Variants in NSUN6 observed in about 807,000 individuals in gnomAD.
NSUN6 encodes the protein tRNA (cytosine(72)-C(5))-methyltransferase NSUN6.
In NSUN6, 64 loss-of-function variants were observed where a neutral mutation model predicts 58.0. That is an observed-to-expected ratio of 1.10 (90% CI 0.90 to 1.36). The LOEUF is 1.36. NSUN6 is among the 40% of genes most tolerant of loss of function. The pLI is 0.00. For synonymous variants in NSUN6, 231 were observed against 193.9 expected (o/e 1.19, Z -1.59); for missense variants, 701 against 550.1 (o/e 1.27, Z -2.74).
chr10:18,646,967 A>G (rs1472129953), intron 2 of NSUN6, among the ~76,000 whole-genome samples: 1 of 152,206 alleles, frequency 6.6e-6, no homozygotes, highest in African/African-American at 2.4e-5. Context: ...GCAACTACTT[A>G]TGTTTTATAC....
intron 6 of NSUN6, 116 bp downstream of exon 6, chr10:18,609,728 CA>C (rs1376659057): frequency 2.4e-5 from 13 of 552,238 alleles, no homozygotes; most frequent in Admixed American, 9.6e-5. Flanking sequence ...AAAGGTAGAT[CA>C]GTGTATGTAA....
chr10:18,642,591 A>G (rs781581920), intron 2 of NSUN6, 36 bp from the exon 3 acceptor site: 2 of 942,176 alleles, frequency 2.1e-6, no homozygotes, highest in Admixed American at 1.9e-5. Context: ...AGTAATCCAT[A>G]CATTTGATAC....
At chr10:18,632,802 T>C (rs1036850078) in intron 3 of NSUN6, among the ~76,000 whole-genome samples, 14 of 152,342 alleles carry the variant, frequency 9.2e-5, no homozygotes, top group African/African-American at 3.1e-4. Flanking sequence ...TTTTACACTG[T>C]TGGTGGGACT....
At chr10:18,613,490 GAAC>G (rs781717010) in intron 5 of NSUN6, among the ~76,000 whole-genome samples, 32 of 152,042 alleles carry the variant, frequency 2.1e-4, no homozygotes, top group Non-Finnish European at 4.4e-4. Flanking sequence ...ACGATAACTG[GAAC>G]AACATCAAAT....
chr10:18,658,603 G>A (rs2059803886), upstream of NSUN6: 8 of 910,782 alleles, frequency 8.8e-6, no homozygotes, highest in South Asian at 3.5e-4. Context: ...AAAATGGAGA[G>A]GGGTGCTATG....
intron 3 of NSUN6, among the ~76,000 whole-genome samples, chr10:18,627,016 T>A (rs2058835847): frequency 6.6e-6 from 1 of 152,198 alleles, no homozygotes; most frequent in Admixed American, 6.5e-5. Context: ...GTTCTACTGA[T>A]CCAAATGTAG....
chr10:18,602,235 G>C (rs1462854823), intron 6 of NSUN6, among the ~76,000 whole-genome samples: 1 of 148,176 alleles, frequency 6.7e-6, no homozygotes, highest in Non-Finnish European at 1.5e-5. Flanking sequence ...GCTAATTTTT[G>C]TGGGGTTTTT....
rs560344874 is a variant in NSUN6 at position 18,577,245 on chromosome 10, A to C, written c.922+8704T>G. ...ATTCATAATTAAAACTCAATGTTGT[A>C]CCTTCATCCCAAACACCACCGCCCC... On this transcript the variant is annotated intron_variant, in intron 8 of 10. Transcript: ENST00000377304. Among the ~76,000 whole-genome samples, 15 of 152,280 alleles carry C rather than the reference A, an allele frequency of 9.9e-5. No homozygotes were observed. The East Asian group carries it at 2.9e-3, about 29-fold the overall frequency.
chr10:18,621,762 T>C (rs986270926), intron 3 of NSUN6, among the ~76,000 whole-genome samples: 31 of 152,174 alleles, frequency 2.0e-4, no homozygotes, highest in African/African-American at 7.2e-4. Context: ...AAACAGATTA[T>C]GGGAATGTCC....
At position 18,616,259 on chromosome 10, in the gene NSUN6, C is replaced by T. The variant is rs1237689140; in HGVS notation, c.346G>A (p.Val116Ile). 9 of 1,611,038 alleles carry T rather than the reference C, an allele frequency of 5.6e-6. No homozygotes were observed. Among genetic ancestry groups the T allele is most frequent in the Non-Finnish European group, 7.6e-6 (9 of 1,177,258 alleles). ...NIKKQQCEAIVGAQCGNAVLR... is the reference protein window; with the variant it reads ...NIKKQQCEAIIGAQCGNAVLR... Reference sequence around the variant, plus strand: ...ACTGCATTGCCACACTGGGCTCCAACAATGGCTTCACACTGTTGTTTTTTA... The same window carrying T: ...ACTGCATTGCCACACTGGGCTCCAATAATGGCTTCACACTGTTGTTTTTTA... The change falls in exon 4 of 11, where the codon GTT becomes ATT. Residue 116 changes from valine to isoleucine, a missense_variant. Physicochemically the swap from Val to Ile is conservative, Grantham distance 29 (BLOSUM62 3). Transcript: ENST00000377304.
At chr10:18,637,722 T>A (rs2059264444) in intron 3 of NSUN6, among the ~76,000 whole-genome samples, 1 of 152,216 alleles carries the variant, frequency 6.6e-6, no homozygotes, top group Non-Finnish European at 1.5e-5. Context: ...ACTAAATGTC[T>A]ATCAATGGAG....
intron 5 of NSUN6, among the ~76,000 whole-genome samples, chr10:18,612,285 T>C (rs1261580885): frequency 3.3e-5 from 5 of 152,058 alleles, no homozygotes; most frequent in African/African-American, 1.2e-4. Context: ...CAGCTGATCA[T>C]GGTGTCATGT....
At chr10:18,576,767 C>G (rs2056669687) in intron 8 of NSUN6, among the ~76,000 whole-genome samples, 1 of 152,162 alleles carries the variant, frequency 6.6e-6, no homozygotes, top group Admixed American at 6.6e-5. Flanking sequence ...TTGTTCGTCC[C>G]CGAGCAGATT....
chr10:18,614,860 T>C (rs748278340), intron 4 of NSUN6, among the ~76,000 whole-genome samples: 5 of 152,110 alleles, frequency 3.3e-5, no homozygotes, highest in Admixed American at 6.6e-5. Flanking sequence ...CAAAACATCC[T>C]ACCCTCAACT....
At chr10:18,546,366 A>T (rs895408343) in intron 10 of NSUN6, among the ~76,000 whole-genome samples, 2 of 152,224 alleles carry the variant, frequency 1.3e-5, no homozygotes, top group African/African-American at 4.8e-5. Context: ...AATACCTATT[A>T]TTACATGCTT....
chr10:18,657,982 GA>G (rs35623248), upstream of NSUN6, among the ~76,000 whole-genome samples: 107,540 of 141,118 alleles, frequency 0.76, 40,087 homozygotes, highest in East Asian at 0.97. Context: ...CCGAAAGCCA[GA>G]AAAAAAAAAA....
At position 18,616,308 on chromosome 10, in the gene NSUN6, C is replaced by T; in HGVS notation, c.312-15G>A. The T allele has an allele frequency of 6.6e-7, 1 of 1,513,372 alleles. No individual in the cohort carries two copies. The highest frequency in any genetic ancestry group is 2.3e-5 in the East Asian group (1 of 44,414). The allele number at this position is 1,513,372 out of a possible 1,614,324, so 93.7% of individuals were successfully genotyped here. A position where few individuals can be genotyped will look rare whatever the true frequency, so the allele number is the denominator to read the frequency against. ...TAATATTCTTTCTAGAAATGTAAGACACAAGAAGTTTAATAGTAACATACC... is the reference window on the plus strand; with the variant it reads ...TAATATTCTTTCTAGAAATGTAAGATACAAGAAGTTTAATAGTAACATACC... On this transcript the variant is annotated splice_polypyrimidine_tract_variant and intron_variant, in intron 3 of 10. Coordinates refer to ENST00000377304, the MANE Select transcript of NSUN6 (RefSeq NM_182543.5).
At chr10:18,613,047 G>C (rs1285880852) in intron 5 of NSUN6, among the ~76,000 whole-genome samples, 1 of 152,118 alleles carries the variant, frequency 6.6e-6, no homozygotes, top group Non-Finnish European at 1.5e-5. Context: ...TCTTCCACCG[G>C]AAGAGACAAA....
chr10:18,590,538 G>A (rs575065467), intron 7 of NSUN6, among the ~76,000 whole-genome samples: 10 of 152,284 alleles, frequency 6.6e-5, no homozygotes, highest in Middle Eastern at 3.4e-3. Flanking sequence ...CAAAAGAATG[G>A]AAATCATAAC....
Sources: gnomAD v4.1 joint callset for allele counts (sites outside exome capture counted in the v4.1 genomes callset) on GRCh38, gnomAD v4.1.1 for gene constraint, MANE v1.5 for transcripts, NCBI Gene and HGNC (gene_info 2026-07-23, HGNC 2026-07-21) for gene names.